PRKN: variants seen among roughly 807,000 people sequenced by gnomAD.
PRKN encodes E3 ubiquitin-protein ligase parkin.
In PRKN, 56 loss-of-function variants were observed where a neutral mutation model predicts 59.5. The ratio of observed to expected loss-of-function variants is 0.94; its 90% CI spans 0.76 to 1.18. The LOEUF (loss-of-function observed/expected upper bound fraction) is 1.18, where lower values mean the gene tolerates loss of function less well. PRKN is among the 50% of genes most tolerant of loss of function. PRKN has a pLI of 0.00. For synonymous variants in PRKN, 250 were observed against 222.1 expected (o/e 1.13, Z -1.12); for missense variants, 657 against 596.4 (o/e 1.10, Z -1.06).
chr6:161,728,755 T>C (rs1787555165), intron 7 of PRKN, among the ~76,000 whole-genome samples: 1 of 152,180 alleles, frequency 6.6e-6, no homozygotes, highest in African/African-American at 2.4e-5. Flanking sequence ...TGTAGGCTCC[T>C]GGGGCACAAG....
At chr6:162,298,819 C>T (rs919563674) in intron 2 of PRKN, among the ~76,000 whole-genome samples, 26 of 152,134 alleles carry the variant, frequency 1.7e-4, no homozygotes, top group African/African-American at 6.3e-4. Flanking sequence ...AAAAGAAAGC[C>T]AGAGCCAGGG....
chr6:161,455,376 A>C (rs958744758), intron 9 of PRKN, among the ~76,000 whole-genome samples: 1 of 152,344 alleles, frequency 6.6e-6, no homozygotes, highest in Middle Eastern at 3.4e-3. Flanking sequence ...AATGGCCAGC[A>C]TGCAGAAAAC....
intron 1 of PRKN, among the ~76,000 whole-genome samples, chr6:162,616,289 A>T (rs1782411301): frequency 6.6e-6 from 1 of 152,088 alleles, no homozygotes; most frequent in African/African-American, 2.4e-5. Context: ...GGGACAAGGG[A>T]GCTTGCCTAC....
intron 1 of PRKN, among the ~76,000 whole-genome samples, chr6:162,648,474 C>T (rs56263105): frequency 0.087 from 13,267 of 151,700 alleles, 730 homozygotes; most frequent in Middle Eastern, 0.18. Flanking sequence ...CTCCGCCCGC[C>T]GGGTTCAAGT....
intron 2 of PRKN, among the ~76,000 whole-genome samples, chr6:162,313,914 C>T (rs560125940): frequency 6.6e-6 from 1 of 152,260 alleles, no homozygotes; most frequent in Admixed American, 6.5e-5. Context: ...GCAAAGAAAT[C>T]TTACTGCTGT....
At chr6:162,349,130 G>A (rs1187599048) in intron 2 of PRKN, among the ~76,000 whole-genome samples, 1 of 151,716 alleles carries the variant, frequency 6.6e-6, no homozygotes, top group Non-Finnish European at 1.5e-5. Context: ...AAATATTTAG[G>A]GTAAAAATTA....
intron 4 of PRKN, among the ~76,000 whole-genome samples, chr6:162,085,960 G>A (rs796821241): frequency 8.5e-5 from 13 of 152,236 alleles, no homozygotes; most frequent in African/African-American, 3.1e-4. Context: ...AGAAAGATTT[G>A]CCATTCTACT....
At chr6:162,707,732 G>A (rs991200083) in intron 1 of PRKN, among the ~76,000 whole-genome samples, 3 of 152,052 alleles carry the variant, frequency 2.0e-5, no homozygotes, top group African/African-American at 7.2e-5. Context: ...AAGCCACCAC[G>A]CCTGGCTAAT....
rs374180803 is a variant in PRKN, at chr6:161,792,176, A to G, written c.735-6268T>C. On this transcript the variant is annotated intron_variant, in intron 6 of 11. Transcript: ENST00000366898. Reference sequence around the variant, plus strand: ...AGAACTATCCAGCTAACTTGCTCCCAAATTCCTGACCTGCTGAAACTGTGA... The same window carrying G: ...AGAACTATCCAGCTAACTTGCTCCCGAATTCCTGACCTGCTGAAACTGTGA... Among the ~76,000 whole-genome samples the G allele has an allele frequency of 1.5e-3, 228 of 152,372 alleles. 1 individual carries two copies. The highest frequency in any genetic ancestry group is 5.3e-3 in the African/African-American group (221 of 41,590).
intron 6 of PRKN, among the ~76,000 whole-genome samples, chr6:161,972,231 G>A (rs1275269711): frequency 2.1e-5 from 3 of 143,972 alleles, no homozygotes; most frequent in Non-Finnish European, 4.5e-5. Flanking sequence ...CCGAGATCCC[G>A]CCATTGCACT....
At chr6:162,258,838 G>T (rs1015418453) in intron 3 of PRKN, among the ~76,000 whole-genome samples, 2 of 152,156 alleles carry the variant, frequency 1.3e-5, no homozygotes, top group Non-Finnish European at 2.9e-5. Context: ...ACATGCTTGC[G>T]TTCTTAGTAC....
Position 162,038,982 on chromosome 6 carries a change from G to A in PRKN, c.618+15109C>T, listed in dbSNP as rs528474810. Among the ~76,000 whole-genome samples the A allele has an allele frequency of 1.6e-4, 24 of 151,970 alleles. 1 individual carries two copies. The South Asian group carries it at 4.0e-3, about 25-fold the overall frequency. On this transcript the variant is annotated intron_variant, in intron 5 of 11. Coordinates refer to ENST00000366898, the MANE Select transcript of PRKN (RefSeq NM_004562.3). ...ATCCTGGCTAACAGTGTGAAACCCC[G>A]TCTCTACTAAAAAAATACAAAAAAT... is the stretch of plus-strand genomic sequence containing the variant.
intron 7 of PRKN, among the ~76,000 whole-genome samples, chr6:161,742,133 C>T (rs920113293): frequency 3.3e-5 from 5 of 152,020 alleles, no homozygotes; most frequent in African/African-American, 1.2e-4. Flanking sequence ...CCATTCCCAG[C>T]TAATTTTTGT....
At chr6:162,273,358 G>T (rs1169955232) in intron 2 of PRKN, among the ~76,000 whole-genome samples, 6 of 151,842 alleles carry the variant, frequency 4.0e-5, no homozygotes, top group African/African-American at 1.5e-4. Flanking sequence ...TAAATAAAAA[G>T]GAGAAAAAAA....
At chr6:161,668,843 C>T (rs56412929) in intron 7 of PRKN, among the ~76,000 whole-genome samples, 8,500 of 152,232 alleles carry the variant, frequency 0.056, 293 homozygotes, top group African/African-American at 0.093. Context: ...GTCTATCTCA[C>T]CCACATCCTG....
At chr6:161,486,189 A>C (rs1413221884) in intron 9 of PRKN, among the ~76,000 whole-genome samples, 2 of 152,150 alleles carry the variant, frequency 1.3e-5, no homozygotes, top group Non-Finnish European at 2.9e-5. Flanking sequence ...ATATTTCATT[A>C]CGTTGCCTAG....
At chr6:161,795,945 A>G (rs1168426352) in intron 6 of PRKN, among the ~76,000 whole-genome samples, 1 of 152,180 alleles carries the variant, frequency 6.6e-6, no homozygotes, top group Non-Finnish European at 1.5e-5. Flanking sequence ...GCTTTATTAA[A>G]GTCCCAAATT....
intron 6 of PRKN, among the ~76,000 whole-genome samples, chr6:161,892,739 T>C (rs2128232495): frequency 6.6e-6 from 1 of 152,258 alleles, no homozygotes; most frequent in South Asian, 2.1e-4. Context: ...ATCCTATCTC[T>C]AAACAATAAA....
At position 162,576,632 on chromosome 6, in the gene PRKN, T is replaced by C. The variant is rs532719894; in HGVS notation, c.8-133159A>G. ...TTCGAGACCAGCCTGACCAACATGGTGAAACCCTGTCTCTACTAAAAATAC... is the reference window on the plus strand; with the variant it reads ...TTCGAGACCAGCCTGACCAACATGGCGAAACCCTGTCTCTACTAAAAATAC... On this transcript the variant is annotated intron_variant, in intron 1 of 11. Coordinates refer to ENST00000366898, the MANE Select transcript of PRKN (RefSeq NM_004562.3). Among the ~76,000 whole-genome samples the C allele has an allele frequency of 4.7e-4, 71 of 152,098 alleles. 1 individual carries two copies. Among genetic ancestry groups the C allele is most frequent in the Non-Finnish European group, 7.2e-4 (49 of 67,982 alleles).
Sources: gnomAD v4.1 joint callset for allele counts (sites outside exome capture counted in the v4.1 genomes callset) on GRCh38, gnomAD v4.1.1 for gene constraint, MANE v1.5 for transcripts, NCBI Gene and HGNC (gene_info 2026-07-23, HGNC 2026-07-21) for gene names.